Variants in RP2 observed in about 807,000 individuals in gnomAD.
RP2 encodes RP2 activator of ARL3 GTPase, also known as protein XRP2.
Under a neutral mutation model 20.3 loss-of-function variants are expected in RP2, and 3 were observed. That is an observed-to-expected ratio of 0.15 (90% CI 0.07 to 0.38). The LOEUF (loss-of-function observed/expected upper bound fraction) is 0.38. Among genes scored for constraint, RP2 ranks in the 10% least tolerant of loss-of-function variants. The probability of loss-of-function intolerance (pLI) is 1.00; values close to 1 mark genes in which losing one functional copy is unlikely to be tolerated. For missense variants in RP2, 233 were observed against 268.5 expected (o/e 0.87, Z 0.92); for synonymous variants, 75 against 94.8 (o/e 0.79, Z 1.22).
At chrX:46,868,754 C>T (rs1556324041) in intron 3 of RP2, among the ~76,000 whole-genome samples, 1 of 99,992 alleles carries the variant, frequency 1.0e-5, no homozygotes, top group South Asian at 4.9e-4. Flanking sequence ...CCACTGCACT[C>T]CAGCCTAGGA....
chrX:46,865,235 C>T (rs936277796), intron 3 of RP2, among the ~76,000 whole-genome samples: 3 of 112,110 alleles, frequency 2.7e-5, no homozygotes, highest in Admixed American at 9.5e-5. Flanking sequence ...TCCCACATTG[C>T]TTTTTGTTGC....
At chrX:46,840,259 C>T (rs950404687) in intron 1 of RP2, among the ~76,000 whole-genome samples, 17 of 112,333 alleles carry the variant, frequency 1.5e-4, no homozygotes, top group Admixed American at 8.5e-4. Flanking sequence ...GGATTACAGG[C>T]GTGAGCCACC....
chrX:46,837,549 T>C (rs1350416926), intron 1 of RP2, among the ~76,000 whole-genome samples: 1 of 111,565 alleles, frequency 9.0e-6, no homozygotes, highest in Non-Finnish European at 1.9e-5. Context: ...GCCCTGAATC[T>C]CAAATCACCT....
chrX:46,860,960 AAGTATTAATGC>A (rs782382108), intron 3 of RP2, among the ~76,000 whole-genome samples: 148 of 112,188 alleles, frequency 1.3e-3, no homozygotes, highest in African/African-American at 4.6e-3. Context: ...CTCAGCTGGT[AAGTATTAATGC>A]AGTATTTGAT....
intron 1 of RP2, among the ~76,000 whole-genome samples, chrX:46,850,600 G>T (rs1447441301): frequency 1.8e-5 from 2 of 111,666 alleles, no homozygotes; most frequent in Non-Finnish European, 3.8e-5. Context: ...ACTCCCTGAA[G>T]AATTTTACTT....
intron 1 of RP2, among the ~76,000 whole-genome samples, chrX:46,847,715 CATAT>C (rs374661171): frequency 1.7e-4 from 13 of 78,106 alleles, no homozygotes; most frequent in African/African-American, 6.5e-4. Context: ...TATATACACA[CATAT>C]ATGTGTGTGT....
chrX:46,837,659 C>A (rs1924540402), intron 1 of RP2, among the ~76,000 whole-genome samples: 1 of 111,920 alleles, frequency 8.9e-6, no homozygotes, highest in Admixed American at 9.5e-5. Context: ...TGTTCTGTGG[C>A]TGTTTTCTCT....
At chrX:46,879,087 A>AAC (rs1337873855) in intron 4 of RP2, among the ~76,000 whole-genome samples, 5 of 101,255 alleles carry the variant, frequency 4.9e-5, no homozygotes, top group Non-Finnish European at 1.0e-4. Context: ...AAAAAAAAAA[A>AAC]AAACTAGCTA....
intron 3 of RP2, among the ~76,000 whole-genome samples, chrX:46,870,109 G>T (rs1925263949): frequency 9.0e-6 from 1 of 110,912 alleles, no homozygotes. Flanking sequence ...GTGTTTGGGG[G>T]CTATTTTATT....
chrX:46,857,245 T>C lies in RP2; in HGVS notation c.769-2743T>C, dbSNP rs150779354. Among the ~76,000 whole-genome samples the C allele has an allele frequency of 2.2e-3, 247 of 111,806 alleles. 2 individuals carry two copies. The highest frequency in any genetic ancestry group is 7.7e-3 in the African/African-American group (238 of 30,836). On this transcript the variant is annotated intron_variant, in intron 2 of 4. Transcript: ENST00000218340. ...TCCATAGGGAGCCAAGAGAAGTTAC[T>C]AGACTTTGGTTTTCTCACCTAAAAA...
chrX:46,852,834 C>T (rs782425785), intron 1 of RP2, among the ~76,000 whole-genome samples: 8 of 111,212 alleles, frequency 7.2e-5, no homozygotes, highest in Non-Finnish European at 1.3e-4. Context: ...CCTCCCACCT[C>T]GGCCTCCCAA....
intron 3 of RP2, among the ~76,000 whole-genome samples, chrX:46,868,553 G>A (rs1439752276): frequency 1.8e-5 from 2 of 109,686 alleles, no homozygotes; most frequent in Non-Finnish European, 3.8e-5. Flanking sequence ...AGGAGGCCAA[G>A]GTGGGTGGAT....
At position 46,880,323 on chromosome X, in the gene RP2, T is replaced by A. The variant is rs1602356335; in HGVS notation, c.*554T>A. ...TGGAGTTGACATAATACTTTGTAAA[T>A]TGAATTTTTTAAAGAAATAGGCATT... On this transcript the variant is annotated 3_prime_UTR_variant, in exon 5 of 5. Coordinates refer to ENST00000218340, the MANE Select transcript of RP2 (RefSeq NM_006915.3). The A allele has an allele frequency of 8.9e-6, 1 of 112,576 alleles. No individual in the cohort carries two copies. The highest frequency in any genetic ancestry group is 1.9e-5 in the Non-Finnish European group (1 of 53,242). 9.3% of individuals were successfully genotyped at this position (112,576 alleles called of 1,213,427 possible).
chrX:46,860,048 G>T lies in RP2; in HGVS notation c.829G>T (p.Ala277Ser), dbSNP rs782775255. The change falls in exon 3 of 5, where the codon GCT (alanine) becomes TCT (serine). Residue 277 changes from alanine to serine, a missense_variant. By Grantham distance (99) the Ala-to-Ser change is moderately conservative. This residue lies in a region of RP2 where 118 missense variants were observed against 123.8 expected (regional missense o/e 0.95). Coordinates refer to ENST00000218340, the MANE Select transcript of RP2 (RefSeq NM_006915.3). ...GGAAGTGTCCATGAAAGCTGAGGAT[G>T]CTCAAAGGGTTTTTCGGGAAAAAGC... Reference protein sequence around the residue: ...TKEVSMKAEDAQRVFREKAPD... With the variant: ...TKEVSMKAEDSQRVFREKAPD... 1 of 1,210,868 alleles carries T rather than the reference G, an allele frequency of 8.3e-7. No individual in the cohort carries two copies. Among genetic ancestry groups the T allele is most frequent in the South Asian group, 1.8e-5 (1 of 56,937 alleles).
intron 1 of RP2, among the ~76,000 whole-genome samples, chrX:46,849,057 A>G (rs1396551618): frequency 2.7e-5 from 3 of 110,636 alleles, no homozygotes; most frequent in Non-Finnish European, 3.8e-5. Context: ...TCTAAACTAA[A>G]CTCACTTCAT....
chrX:46,847,093 C>CT (rs199993159), intron 1 of RP2, among the ~76,000 whole-genome samples: 3,508 of 111,813 alleles, frequency 0.031, 62 homozygotes, highest in Non-Finnish European at 0.047. Flanking sequence ...TGTAGTTTAA[C>CT]TTGCATTTCC....
intron 2 of RP2, among the ~76,000 whole-genome samples, chrX:46,859,488 CAAA>C (rs782748761): frequency 6.0e-5 from 4 of 66,982 alleles, no homozygotes; most frequent in Non-Finnish European, 8.8e-5. Flanking sequence ...CACCCTATCT[CAAA>C]AAAAAAAAAA....
chrX:46,844,433 G>GT (rs1200545317), intron 1 of RP2, among the ~76,000 whole-genome samples: 3 of 108,445 alleles, frequency 2.8e-5, no homozygotes, highest in Non-Finnish European at 5.7e-5. Context: ...GCAGTGTTTG[G>GT]TTTTTTGTCC....
chrX:46,870,217 C>T (rs928104667), intron 3 of RP2, among the ~76,000 whole-genome samples: 2 of 111,079 alleles, frequency 1.8e-5, no homozygotes, highest in African/African-American at 6.6e-5. Context: ...AGGTGATCCT[C>T]CCACCTCAGA....
Sources: gnomAD v4.1 joint callset for allele counts (sites outside exome capture counted in the v4.1 genomes callset) on GRCh38, gnomAD v4.1.1 for gene constraint, gnomAD v4.1.1 regional missense constraint, MANE v1.5 for transcripts, NCBI Gene and HGNC (gene_info 2026-07-23, HGNC 2026-07-21) for gene names.